TXLNB: variants seen among roughly 807,000 people sequenced by gnomAD.
TXLNB encodes taxilin beta.
Under a neutral mutation model 57.4 loss-of-function variants are expected in TXLNB, and 37 were observed. The ratio of observed to expected loss-of-function variants is 0.64; its 90% CI spans 0.50 to 0.85. The LOEUF (loss-of-function observed/expected upper bound fraction) is 0.85. Among genes scored for constraint, TXLNB ranks in the 40% least tolerant of loss-of-function variants. The pLI is 0.00. For missense variants in TXLNB, 848 were observed against 825.6 expected (o/e 1.03, Z -0.33); for synonymous variants, 302 against 309.6 (o/e 0.98, Z 0.26).
chr6:139,299,203 G>A, the TXLNB span, among the ~76,000 whole-genome samples: 1 of 152,232 alleles, frequency 6.6e-6, no homozygotes, highest in East Asian at 1.9e-4. Flanking sequence ...GGATTGCCTT[G>A]TTGCTGCACA....
the TXLNB span, among the ~76,000 whole-genome samples, chr6:139,193,241 CTTTT>C: frequency 4.0e-5 from 4 of 101,212 alleles, no homozygotes; most frequent in African/African-American, 1.5e-4. Context: ...CTTTGACCCT[CTTTT>C]TTTTTTTTTT....
At chr6:139,224,394 G>A in the TXLNB span, among the ~76,000 whole-genome samples, 7 of 151,204 alleles carry the variant, frequency 4.6e-5, no homozygotes, top group South Asian at 2.1e-4. Context: ...ACATGTATAT[G>A]TATGTAACTA....
the TXLNB span, among the ~76,000 whole-genome samples, chr6:139,314,892 C>T: frequency 6.6e-6 from 1 of 152,292 alleles, no homozygotes; most frequent in African/African-American, 2.4e-5. Context: ...AACGAAATTG[C>T]TAACAGCCCT....
the TXLNB span, among the ~76,000 whole-genome samples, chr6:139,214,828 C>A: frequency 6.6e-6 from 1 of 152,080 alleles, no homozygotes; most frequent in Non-Finnish European, 1.5e-5. Flanking sequence ...TCTTATACAC[C>A]AATAACAGAC....
chr6:139,166,491 G>A, the TXLNB span: 3 of 1,614,144 alleles, frequency 1.9e-6, no homozygotes, highest in Non-Finnish European at 1.7e-6. Context: ...AAGCAATGCC[G>A]CCAGAACATG....
At chr6:139,214,511 T>C in the TXLNB span, among the ~76,000 whole-genome samples, 55,172 of 151,918 alleles carry the variant, frequency 0.36, 11,081 homozygotes, top group African/African-American at 0.55. Context: ...GACAAACCCA[T>C]AGCCAATATC....
the TXLNB span, among the ~76,000 whole-genome samples, chr6:139,201,447 T>C: frequency 1.2e-4 from 19 of 152,214 alleles, no homozygotes; most frequent in African/African-American, 4.6e-4. Context: ...TTAACCCTTA[T>C]AACCTGATGT....
chr6:139,209,296 T>C, the TXLNB span, among the ~76,000 whole-genome samples: 1 of 152,248 alleles, frequency 6.6e-6, no homozygotes, highest in Non-Finnish European at 1.5e-5. Flanking sequence ...AAAGAAATCA[T>C]AGATGGCACA....
chr6:139,239,851 G>C (rs58047311), downstream of TXLNB, among the ~76,000 whole-genome samples: 348 of 150,916 alleles, frequency 2.3e-3, 1 homozygote, highest in African/African-American at 8.5e-3. The surrounding 1 kb of genome is among the most constrained non-coding windows in gnomAD (Gnocchi z 4.7). Context: ...TTCTCTCTCT[G>C]TCTCTCTCTG....
the TXLNB span, among the ~76,000 whole-genome samples, chr6:139,215,261 C>T: frequency 6.9e-6 from 1 of 144,328 alleles, no homozygotes; most frequent in African/African-American, 2.7e-5. Context: ...AACAGAGATA[C>T]TGGTACCAAA....
chr6:139,217,089 G>T, the TXLNB span, among the ~76,000 whole-genome samples: 1 of 152,126 alleles, frequency 6.6e-6, no homozygotes, highest in East Asian at 1.9e-4. Context: ...AGGTATTTTG[G>T]CGAGAATGAG....
the TXLNB span, among the ~76,000 whole-genome samples, chr6:139,320,073 T>G: frequency 1.3e-5 from 2 of 152,192 alleles, no homozygotes; most frequent in Non-Finnish European, 2.9e-5. Context: ...TAAATTATAA[T>G]TTGTTAAAGT....
the TXLNB span, among the ~76,000 whole-genome samples, chr6:139,207,380 A>G: frequency 6.6e-6 from 1 of 152,334 alleles, no homozygotes; most frequent in East Asian, 1.9e-4. Flanking sequence ...CCCTTGAATG[A>G]TCTTTGGATT....
chr6:139,278,349 C>G (rs1022948869), intron 2 of TXLNB, among the ~76,000 whole-genome samples: 1 of 152,146 alleles, frequency 6.6e-6, no homozygotes, highest in Non-Finnish European at 1.5e-5. Context: ...TTAGTTTTGT[C>G]TATCTTTGCC....
chr6:139,258,664 A>G (rs1291006399), intron 6 of TXLNB, among the ~76,000 whole-genome samples: 1 of 152,212 alleles, frequency 6.6e-6, no homozygotes, highest in Admixed American at 6.5e-5. Context: ...GAAAATCTCA[A>G]GATCAAAATG....
At chr6:139,233,591 C>T in the TXLNB span, among the ~76,000 whole-genome samples, 2 of 151,852 alleles carry the variant, frequency 1.3e-5, no homozygotes, top group African/African-American at 4.8e-5. Flanking sequence ...CCTTTGGTTG[C>T]ACTCACTCAC....
At chr6:139,166,559 G>A in the TXLNB span, 1 of 1,614,118 alleles carries the variant, frequency 6.2e-7, no homozygotes, top group Non-Finnish European at 8.5e-7. Context: ...CTGTGGCCAG[G>A]GCCACTTGAA....
intron 3 of TXLNB, among the ~76,000 whole-genome samples, chr6:139,274,680 G>A (rs543700915): frequency 2.6e-5 from 4 of 152,170 alleles, no homozygotes; most frequent in East Asian, 1.9e-4. Context: ...AGAAAATATC[G>A]GTAAGTCTGG....
downstream of TXLNB, among the ~76,000 whole-genome samples, chr6:139,239,827 A>G (rs372423819): frequency 3.3e-5 from 5 of 151,028 alleles, no homozygotes; most frequent in African/African-American, 1.2e-4. The surrounding 1 kb of genome is among the most constrained non-coding windows in gnomAD (Gnocchi z 4.7). Context: ...CCTCATTGTT[A>G]TTTCTCCCTC....
Sources: gnomAD v4.1 joint callset for allele counts (sites outside exome capture counted in the v4.1 genomes callset) on GRCh38, gnomAD v4.1.1 for gene constraint, Gnocchi (gnomAD v3.1) non-coding constraint, MANE v1.5 for transcripts, NCBI Gene and HGNC (gene_info 2026-07-23, HGNC 2026-07-21) for gene names.